CNTFR: variants seen among roughly 807,000 people sequenced by gnomAD.
CNTFR encodes the protein ciliary neurotrophic factor receptor subunit alpha.
In CNTFR, 12 loss-of-function variants were observed where a neutral mutation model predicts 40.4. The ratio of observed to expected loss-of-function variants is 0.30; its 90% CI spans 0.19 to 0.48. The LOEUF is 0.48. Among genes scored for constraint, CNTFR ranks in the 20% least tolerant of loss-of-function variants. CNTFR has a pLI of 0.99. For missense variants in CNTFR, 414 were observed against 506.8 expected (o/e 0.82, Z 1.76); for synonymous variants, 202 against 209.6 (o/e 0.96, Z 0.31).
At chr9:34,564,449 G>A in intron 4 of CNTFR, 150 bp downstream of exon 4, 3 of 754,136 alleles carry the variant, frequency 4.0e-6, no homozygotes, top group South Asian at 3.4e-5. Context: ...GAGGCCAGAA[G>A]AGCGGGCCAG....
chr9:34,585,535 T>C (rs987292738), intron 1 of CNTFR, among the ~76,000 whole-genome samples: 20 of 152,178 alleles, frequency 1.3e-4, no homozygotes, highest in Admixed American at 1.3e-3. Context: ...CAGCTCCTCC[T>C]TCCACCCCTT....
intron 7 of CNTFR, among the ~76,000 whole-genome samples, chr9:34,554,224 G>A (rs1238210703): frequency 1.3e-5 from 2 of 152,108 alleles, no homozygotes. Context: ...TTTCTGCTCG[G>A]CAAAGATACC....
intron 1 of CNTFR, among the ~76,000 whole-genome samples, chr9:34,584,174 T>C (rs1827447099): frequency 6.6e-6 from 1 of 152,250 alleles, no homozygotes; most frequent in Non-Finnish European, 1.5e-5. Context: ...TACTTGGTTT[T>C]TATGTCTGAC....
rs113287398 is a variant in CNTFR, at chr9:34,579,263, C to T, written c.-1+1832G>A. Among the ~76,000 whole-genome samples the T allele has an allele frequency of 8.7e-3, 1,328 of 152,092 alleles. 8 individuals are homozygous for T. The highest frequency in any genetic ancestry group is 0.022 in the Admixed American group (334 of 15,270). On this transcript the variant is annotated intron_variant, in intron 2 of 9. Transcript: ENST00000378980. ...CCACGCTGCCTGATTAATGGGGTTA[C>T]GGGCTTGGATCAATCCGTCCGCCCG... is the stretch of plus-strand genomic sequence containing the variant.
rs1305275276 is a variant in CNTFR at position 34,551,765 on chromosome 9, C to G, written c.*306G>C. On this transcript the variant is annotated 3_prime_UTR_variant, in exon 10 of 10. Transcript: ENST00000378980. ...CGGATGTGAGAGGCTCCCCTCACGT[C>G]CCCCAAGGGCTCCTGGGAGTCGCTG... is the stretch of plus-strand genomic sequence containing the variant. The G allele has an allele frequency of 5.1e-5, 29 of 573,996 alleles. No homozygotes were observed. The highest frequency in any genetic ancestry group is 5.0e-4 in the South Asian group (25 of 49,778). The allele number at this position is 573,996 out of a possible 1,614,324, so 35.6% of individuals were successfully genotyped here. A position where few individuals can be genotyped will look rare whatever the true frequency, so the allele number is the denominator to read the frequency against.
chr9:34,579,096 C>A lies in CNTFR; in HGVS notation c.-1+1999G>T, dbSNP rs149391147. Among the ~76,000 whole-genome samples, 112 of 152,306 alleles carry A rather than the reference C, an allele frequency of 7.4e-4. No individual in the cohort carries two copies. The East Asian group carries it at 0.021, about 29-fold the overall frequency. On this transcript the variant is annotated intron_variant, in intron 2 of 9. Transcript: ENST00000378980. The stretch of plus-strand genomic sequence containing the variant: ...ACGCACACGTGCAAATGCACATCCG[C>A]ATGGGGTCGGGGGCACCAGACAGCT...
intron 1 of CNTFR, among the ~76,000 whole-genome samples, chr9:34,585,545 T>C (rs913074118): frequency 6.6e-6 from 1 of 152,210 alleles, no homozygotes; most frequent in Non-Finnish European, 1.5e-5. Flanking sequence ...TTCCACCCCT[T>C]GGCCCCCAGA....
intron 2 of CNTFR, among the ~76,000 whole-genome samples, chr9:34,574,972 G>A (rs1826882351): frequency 6.6e-6 from 1 of 152,198 alleles, no homozygotes; most frequent in Non-Finnish European, 1.5e-5. Flanking sequence ...CCCACTTGGG[G>A]CCCCGCATGC....
At chr9:34,563,801 G>C (rs1399322200) in intron 4 of CNTFR, among the ~76,000 whole-genome samples, 1 of 152,056 alleles carries the variant, frequency 6.6e-6, no homozygotes, top group Non-Finnish European at 1.5e-5. Flanking sequence ...TCCATGCCCT[G>C]GTCCCAGGTC....
chr9:34,575,651 A>T (rs1826914920), intron 2 of CNTFR, among the ~76,000 whole-genome samples: 1 of 151,876 alleles, frequency 6.6e-6, no homozygotes, highest in Non-Finnish European at 1.5e-5. Context: ...AGGCCCATGC[A>T]AGCAAGCTCA....
At chr9:34,571,401 G>A (rs971976168) in intron 2 of CNTFR, 1 of 152,448 alleles carries the variant, frequency 6.6e-6, no homozygotes, top group Non-Finnish European at 1.5e-5. Flanking sequence ...ATGGGAGCAG[G>A]AACCAGGGCA....
intron 1 of CNTFR, among the ~76,000 whole-genome samples, chr9:34,587,906 A>G (rs1249597822): frequency 6.6e-6 from 1 of 152,056 alleles, no homozygotes; most frequent in Non-Finnish European, 1.5e-5. Context: ...TTCCAATGTG[A>G]GTCTATGTGG....
chr9:34,590,238 T>C (rs1827724183), upstream of CNTFR: 1 of 153,320 alleles, frequency 6.5e-6, no homozygotes, highest in Non-Finnish European at 1.4e-5. Flanking sequence ...ACCCCCGGGA[T>C]CGCTCCTTCA....
chr9:34,560,640 G>A (rs1262778785), intron 4 of CNTFR, among the ~76,000 whole-genome samples: 1 of 152,254 alleles, frequency 6.6e-6, no homozygotes, highest in African/African-American at 2.4e-5. Flanking sequence ...AACACCGTGT[G>A]AGTGCATGTT....
upstream of CNTFR, among the ~76,000 whole-genome samples, chr9:34,590,695 C>A (rs1365698247): frequency 6.6e-6 from 1 of 152,220 alleles, no homozygotes; most frequent in Non-Finnish European, 1.5e-5. Context: ...CACAGGCGCA[C>A]CCCTCGATAG....
At chr9:34,570,724 T>C (rs1826569165) in intron 2 of CNTFR, among the ~76,000 whole-genome samples, 1 of 151,924 alleles carries the variant, frequency 6.6e-6, no homozygotes, top group Admixed American at 6.6e-5. Context: ...CCAGAAAAAC[T>C]GACAGAGACG....
rs1356214979 is a variant in CNTFR, at chr9:34,552,312, T to C, written c.967A>G (p.Thr323Ala). ...GTAGGTGGGGGTGCCAGGGAGCTGGTGGTGCTGGTCGTGGTCTCTGGGGAA... is the reference window on the plus strand; with the variant it reads ...GTAGGTGGGGGTGCCAGGGAGCTGGCGGTGCTGGTCGTGGTCTCTGGGGAA... ...AQAAETTTSTTSSLAPPPTTK... is the reference protein window; with the variant it reads ...AQAAETTTSTASSLAPPPTTK... Residue 323 changes from threonine to alanine, a missense_variant, in exon 9 of 10, where the codon ACC becomes GCC. By Grantham distance (58) the Thr-to-Ala change is moderately conservative. Around this residue, in one of 3 missense-constraint regions of CNTFR, gnomAD observed 81 missense variants for 92.2 expected, o/e 0.88. Transcript: ENST00000378980. The surrounding 1 kb of genome is among the most constrained non-coding windows in gnomAD (Gnocchi z 5.1). The C allele has an allele frequency of 7.1e-6, 11 of 1,540,102 alleles. No homozygotes were observed. The highest frequency in any genetic ancestry group is 1.2e-5 in the South Asian group (1 of 84,028).
chr9:34,554,991 G>C (rs1214408922), intron 7 of CNTFR, among the ~76,000 whole-genome samples: 1 of 152,242 alleles, frequency 6.6e-6, no homozygotes, highest in East Asian at 1.9e-4. Flanking sequence ...GCATGGTCTC[G>C]GCATGTTAGT....
intron 2 of CNTFR, among the ~76,000 whole-genome samples, chr9:34,579,009 G>C (rs1438987502): frequency 1.3e-5 from 2 of 152,218 alleles, no homozygotes; most frequent in Non-Finnish European, 2.9e-5. Flanking sequence ...GGACAGGTTG[G>C]TCACTGGACC....
Sources: allele counts gnomAD v4.1 joint callset (sites outside exome capture counted in the v4.1 genomes callset), GRCh38; gene constraint gnomAD v4.1.1; regional missense constraint gnomAD v4.1.1; non-coding constraint Gnocchi (gnomAD v3.1); transcripts MANE v1.5; gene names NCBI Gene and HGNC (gene_info 2026-07-23, HGNC 2026-07-21).